The following ANGPT1 variants were observed in gnomAD, a reference collection of about 807,000 sequenced individuals.
The protein encoded by ANGPT1 is angiopoietin-1.
A neutral mutation model predicts 62.2 loss-of-function variants in ANGPT1; 17 were observed. That is an observed-to-expected ratio of 0.27 (90% CI 0.19 to 0.41). The LOEUF (loss-of-function observed/expected upper bound fraction) is 0.41. Among genes scored for constraint, ANGPT1 ranks in the 10% least tolerant of loss-of-function variants. The pLI is 1.00. For synonymous variants in ANGPT1, 199 were observed against 198.9 expected (o/e 1.00, Z 0.00); for missense variants, 478 against 594.9 (o/e 0.80, Z 2.04).
At chr8:107,406,899 A>AAAG (rs1554590834) in intron 1 of ANGPT1, among the ~76,000 whole-genome samples, 2 of 150,610 alleles carry the variant, frequency 1.3e-5, no homozygotes, top group Non-Finnish European at 1.5e-5. Context: ...AAAAAAAAAA[A>AAAG]GCAATTCTAC....
chr8:107,380,133 A>AAC (rs1816606299), intron 1 of ANGPT1, among the ~76,000 whole-genome samples: 2 of 107,806 alleles, frequency 1.9e-5, no homozygotes, highest in Non-Finnish European at 4.3e-5. Context: ...AAATACAAAT[A>AAC]GAGGAAAAAT....
At chr8:107,326,096 C>G (rs1815281993) in intron 3 of ANGPT1, among the ~76,000 whole-genome samples, 1 of 152,014 alleles carries the variant, frequency 6.6e-6, no homozygotes, top group Admixed American at 6.6e-5. Flanking sequence ...TTTAATGCTC[C>G]CTTACTAGCA....
chr8:107,332,282 G>C (rs542483884), intron 3 of ANGPT1, among the ~76,000 whole-genome samples: 1 of 152,214 alleles, frequency 6.6e-6, no homozygotes, highest in South Asian at 2.1e-4. Context: ...CCAATTATAT[G>C]GTTGAGTTAC....
intron 1 of ANGPT1, among the ~76,000 whole-genome samples, chr8:107,386,673 A>G (rs936138837): frequency 1.3e-5 from 2 of 152,132 alleles, no homozygotes; most frequent in South Asian, 2.1e-4. Context: ...TGTGGTATTA[A>G]TTGTACGAAT....
At chr8:107,339,445 G>A (rs183811825) in intron 2 of ANGPT1, among the ~76,000 whole-genome samples, 2 of 152,202 alleles carry the variant, frequency 1.3e-5, no homozygotes, top group East Asian at 1.9e-4. Context: ...TGCACTTGCA[G>A]TTTCCTCTGC....
chr8:107,254,253 T>C (rs1813308940), intron 8 of ANGPT1, among the ~76,000 whole-genome samples: 2 of 152,194 alleles, frequency 1.3e-5, no homozygotes. Context: ...CTGTCCTTAT[T>C]GTATTCATTT....
chr8:107,446,309 A>T (rs1334145527), intron 1 of ANGPT1, among the ~76,000 whole-genome samples: 2 of 152,212 alleles, frequency 1.3e-5, no homozygotes, highest in East Asian at 3.8e-4. Context: ...TTTTGTAGTA[A>T]GTATTTGATT....
intron 3 of ANGPT1, among the ~76,000 whole-genome samples, chr8:107,329,651 GTGTGTGTGTGTGAGTCTT>G (rs543874505): frequency 0.011 from 1,716 of 150,856 alleles, 22 homozygotes; most frequent in Middle Eastern, 0.02. Context: ...TTTATTAGTT[GTGTGTGTGTGTGAGTCTT>G]TGTGTGTGTG....
At chr8:107,420,809 T>G (rs1158409156) in intron 1 of ANGPT1, among the ~76,000 whole-genome samples, 1 of 152,134 alleles carries the variant, frequency 6.6e-6, no homozygotes, top group South Asian at 2.1e-4. Flanking sequence ...GTTTGTATCA[T>G]CCTGTTTTTT....
chr8:107,434,097 G>A (rs567978768), intron 1 of ANGPT1, among the ~76,000 whole-genome samples: 1 of 152,296 alleles, frequency 6.6e-6, no homozygotes, highest in Non-Finnish European at 1.5e-5. Flanking sequence ...TATTGGAGAA[G>A]TATTTGAGCT....
intron 2 of ANGPT1, among the ~76,000 whole-genome samples, chr8:107,342,087 C>T (rs986354112): frequency 1.3e-5 from 2 of 152,018 alleles, no homozygotes; most frequent in African/African-American, 4.8e-5. Flanking sequence ...ACAAAAAAAC[C>T]CAAAAAAACA....
At chr8:107,336,527 T>TCG in intron 2 of ANGPT1, 1 of 328,054 alleles carries the variant, frequency 3.0e-6, no homozygotes, top group Non-Finnish European at 5.0e-6. Context: ...TAGCCGGGCG[T>TCG]GGTAGCGGGC....
chr8:107,347,807 A>C (rs983045449), intron 1 of ANGPT1, among the ~76,000 whole-genome samples: 1 of 152,216 alleles, frequency 6.6e-6, no homozygotes, highest in African/African-American at 2.4e-5. Flanking sequence ...CCCATATAGC[A>C]GTATTTACTC....
intron 7 of ANGPT1, among the ~76,000 whole-genome samples, chr8:107,277,076 A>G (rs1813883713): frequency 1.3e-5 from 2 of 152,234 alleles, no homozygotes; most frequent in Non-Finnish European, 2.9e-5. Context: ...TTATGTAGTA[A>G]GATTATAATG....
At chr8:107,261,237 C>A (rs1384599979) in intron 8 of ANGPT1, among the ~76,000 whole-genome samples, 2 of 150,394 alleles carry the variant, frequency 1.3e-5, no homozygotes, top group Non-Finnish European at 2.9e-5. Context: ...AATTTTCTAT[C>A]AGGAAAAAGC....
rs1817009905 is a variant in ANGPT1 at position 107,399,862 on chromosome 8, A to G, written c.298-52765T>C. ...GAGCCAGGTGCCACACTTGTTGGGT[A>G]GAAAGGGCTTAGAAAACATCAGGGT... On this transcript the variant is annotated intron_variant, in intron 1 of 8. Coordinates refer to ENST00000517746, the MANE Select transcript of ANGPT1 (RefSeq NM_001146.5). 2.6e-5 allele frequency among the ~76,000 whole-genome samples: 4 copies of G among 152,154 alleles called. No homozygotes were observed. In the South Asian group the frequency reaches 8.3e-4, roughly 31 times the overall value.
intron 5 of ANGPT1, chr8:107,294,245 G>T: frequency 5.0e-6 from 2 of 402,726 alleles, no homozygotes; most frequent in Non-Finnish European, 4.4e-6. Context: ...TTCCATCAAT[G>T]ATGAATAAAT....
intron 1 of ANGPT1, among the ~76,000 whole-genome samples, chr8:107,457,861 CACA>C (rs1563631593): frequency 2.0e-4 from 25 of 125,890 alleles, no homozygotes; most frequent in African/African-American, 4.2e-4. Flanking sequence ...CACACACACA[CACA>C]CACCAAGAGG....
At chr8:107,360,672 T>C (rs1816143116) in intron 1 of ANGPT1, among the ~76,000 whole-genome samples, 1 of 152,136 alleles carries the variant, frequency 6.6e-6, no homozygotes, top group Non-Finnish European at 1.5e-5. Context: ...GCTATTAAGG[T>C]CAGTTGCCCA....
Sources: gnomAD v4.1 joint callset for allele counts (sites outside exome capture counted in the v4.1 genomes callset) on GRCh38, gnomAD v4.1.1 for gene constraint, MANE v1.5 for transcripts, NCBI Gene and HGNC (gene_info 2026-07-23, HGNC 2026-07-21) for gene names.